Variants in ABI1 observed in about 807,000 individuals in gnomAD.
The protein encoded by ABI1 is Abelson interactor 1.
ABI1 carries 14 observed loss-of-function variants against 54.6 expected under a neutral mutation model. That is an observed-to-expected ratio of 0.26 (90% CI 0.17 to 0.40). The LOEUF (loss-of-function observed/expected upper bound fraction) is 0.40. Among genes scored for constraint, ABI1 ranks in the 10% least tolerant of loss-of-function variants. The probability of loss-of-function intolerance (pLI) is 1.00; values close to 1 mark genes in which losing one functional copy is unlikely to be tolerated. For missense variants in ABI1, 443 were observed against 598.3 expected, an observed-to-expected ratio of 0.74 and a Z score of 2.71; for synonymous variants, 194 against 209.3, an observed-to-expected ratio of 0.93 and a Z score of 0.63.
intron 3 of ABI1, 183 bp downstream of exon 3, chr10:26,776,882 C>T (rs959277461): frequency 6.0e-5 from 29 of 481,434 alleles, no homozygotes; most frequent in African/African-American, 5.1e-4. Context: ...CTTTTTAATA[C>T]AGCCTATTCA....
At chr10:26,771,114 G>A (rs1230067322) in intron 3 of ABI1, 25 bp from the exon 4 acceptor site, 1 of 1,612,964 alleles carries the variant, frequency 6.2e-7, no homozygotes, top group South Asian at 1.1e-5. Context: ...AAAAAGGGGG[G>A]GAAAAAGTAG....
chr10:26,774,001 T>C (rs1841071649), intron 3 of ABI1, among the ~76,000 whole-genome samples: 1 of 152,174 alleles, frequency 6.6e-6, no homozygotes, highest in South Asian at 2.1e-4. Flanking sequence ...AAACACACAG[T>C]AATCCAGTCA....
At chr10:26,854,167 T>A (rs1202181038) in intron 1 of ABI1, among the ~76,000 whole-genome samples, 1 of 152,126 alleles carries the variant, frequency 6.6e-6, no homozygotes, top group African/African-American at 2.4e-5. Context: ...AAGAGATTAT[T>A]TCAATAATTT....
At chr10:26,789,147 C>T (rs895080769) in intron 2 of ABI1, 2 of 152,116 alleles carry the variant, frequency 1.3e-5, no homozygotes, top group African/African-American at 4.8e-5. Flanking sequence ...TCCTCAAGCA[C>T]CAGGACACCA....
intron 10 of ABI1, among the ~76,000 whole-genome samples, chr10:26,749,189 C>T (rs1837305562): frequency 6.6e-6 from 1 of 152,192 alleles, no homozygotes; most frequent in African/African-American, 2.4e-5. Context: ...ACATCCTACT[C>T]ATTCAAGGAC....
intron 1 of ABI1, among the ~76,000 whole-genome samples, chr10:26,845,288 G>C (rs1241995780): frequency 6.6e-6 from 1 of 151,932 alleles, no homozygotes; most frequent in Non-Finnish European, 1.5e-5. Context: ...ACATACTATA[G>C]ACCAATTTTC....
chr10:26,841,504 T>C (rs575742033), intron 1 of ABI1, among the ~76,000 whole-genome samples: 52 of 152,146 alleles, frequency 3.4e-4, no homozygotes, highest in South Asian at 2.1e-3. Context: ...ACAGTCCTCT[T>C]ATTAGCTACA....
Position 26,778,572 on chromosome 10 carries a change from CTA to C in ABI1, c.286-1333_286-1332del, listed in dbSNP as rs1316176940. On this transcript the variant is annotated intron_variant, in intron 2 of 10. Transcript: ENST00000376140. ...CGCTTGAATCAGATCTATTATGATT[CTA>C]TCTTATTTCATCAGAACTTTTTAAT... is the stretch of plus-strand genomic sequence containing the variant. Among the ~76,000 whole-genome samples the C allele has an allele frequency of 4.0e-5, 6 of 151,508 alleles. No homozygotes were observed. In the East Asian group the frequency reaches 7.8e-4, roughly 20 times the overall value.
chr10:26,836,579 C>T (rs1263958455), intron 1 of ABI1, among the ~76,000 whole-genome samples: 2 of 152,178 alleles, frequency 1.3e-5, no homozygotes, highest in Non-Finnish European at 2.9e-5. Context: ...TCCTTTCCCT[C>T]TTGTGACATT....
intron 2 of ABI1, among the ~76,000 whole-genome samples, chr10:26,789,433 G>A (rs1843144675): frequency 6.6e-6 from 1 of 152,088 alleles, no homozygotes; most frequent in South Asian, 2.1e-4. Flanking sequence ...ATAATTCAAA[G>A]CTCACAAAAT....
chr10:26,777,815 T>C (rs902253060), intron 2 of ABI1, among the ~76,000 whole-genome samples: 2 of 152,060 alleles, frequency 1.3e-5, no homozygotes, highest in African/African-American at 2.4e-5. Flanking sequence ...AAGGGAAAGT[T>C]GTCCTGGTAT....
chr10:26,850,009 C>T (rs2050264269), intron 1 of ABI1, among the ~76,000 whole-genome samples: 1 of 152,176 alleles, frequency 6.6e-6, no homozygotes, highest in Admixed American at 6.5e-5. Context: ...GTTGTTGTAT[C>T]AAAGAAAATC....
intron 10 of ABI1, 78 bp from the exon 11 acceptor site, chr10:26,748,823 AAATATATAGCACAGCAAAAC>A: frequency 9.6e-7 from 1 of 1,038,164 alleles, no homozygotes. Flanking sequence ...AAAGACAATT[AAATATATAGCACAGCAAAAC>A]TATTTTTATG....
intron 2 of ABI1, among the ~76,000 whole-genome samples, chr10:26,794,877 C>T (rs1843937283): frequency 6.6e-6 from 1 of 152,142 alleles, no homozygotes; most frequent in South Asian, 2.1e-4. Flanking sequence ...GGAGTGGTGG[C>T]TCATGCCTGT....
chr10:26,858,443 T>C (rs1476283728), intron 1 of ABI1, among the ~76,000 whole-genome samples: 1 of 149,652 alleles, frequency 6.7e-6, no homozygotes, highest in Non-Finnish European at 1.5e-5. Flanking sequence ...AATCATTGCT[T>C]TGCGTGAATT....
chr10:26,798,229 G>T (rs1231544200), intron 2 of ABI1, among the ~76,000 whole-genome samples: 1 of 152,020 alleles, frequency 6.6e-6, no homozygotes, highest in African/African-American at 2.4e-5. Context: ...CTTGCTGAAG[G>T]TGGGAAGTTA....
rs11015339 is a variant in ABI1 at position 26,848,193 on chromosome 10, C to T, written c.117+12554G>A. Among the ~76,000 whole-genome samples the T allele has an allele frequency of 3.2e-3, 389 of 121,270 alleles. 22 individuals are homozygous for T. In the East Asian group the frequency reaches 0.086, roughly 27 times the overall value. The allele number at this position is 121,270 out of a possible 152,430, so 79.6% of individuals were successfully genotyped here. ...CAGAACCTGGGCAACAGAGCGAGAC[C>T]CTGTCTCAAAAAAAAAAAAAAAAAA... On this transcript the variant is annotated intron_variant, in intron 1 of 10. Coordinates refer to ENST00000376140, the MANE Select transcript of ABI1 (RefSeq NM_001012750.3).
At chr10:26,851,048 C>G (rs2050344285) in intron 1 of ABI1, among the ~76,000 whole-genome samples, 1 of 150,730 alleles carries the variant, frequency 6.6e-6, no homozygotes, top group Non-Finnish European at 1.5e-5. Flanking sequence ...GAAAAACCAA[C>G]CATGCAAAAT....
chr10:26,833,538 A>C (rs74126857), intron 1 of ABI1, among the ~76,000 whole-genome samples: 3,166 of 152,208 alleles, frequency 0.021, 116 homozygotes, highest in African/African-American at 0.072. Context: ...TCAACACATA[A>C]TCTGTTATAT....
Sources: allele counts gnomAD v4.1 joint callset (sites outside exome capture counted in the v4.1 genomes callset), GRCh38; gene constraint gnomAD v4.1.1; transcripts MANE v1.5; gene names NCBI Gene and HGNC (gene_info 2026-07-23, HGNC 2026-07-21).